ZNF585B: variants seen among roughly 807,000 people sequenced by gnomAD.
The protein encoded by ZNF585B is zinc finger protein 41-like protein.
In ZNF585B, 7 loss-of-function variants were observed where a neutral mutation model predicts 14.0. The observed-to-expected ratio is 0.50, with a 90% CI of 0.28 to 0.94. The LOEUF (loss-of-function observed/expected upper bound fraction) is 0.94. Ranked by LOEUF, ZNF585B falls within the 40% of genes least tolerant of loss-of-function variation. The pLI is 0.09. For synonymous variants in ZNF585B, 290 were observed against 317.3 expected (o/e 0.91, Z 0.91); for missense variants, 750 against 924.4 (o/e 0.81, Z 2.45).
intron 2 of ZNF585B, among the ~76,000 whole-genome samples, chr19:37,193,050 G>A (rs1025607886): frequency 5.3e-5 from 8 of 151,866 alleles, no homozygotes; most frequent in African/African-American, 9.7e-5. Flanking sequence ...CAAGCGAATC[G>A]CTTGAAGCCA....
At chr19:37,205,744 C>T (rs1406497045) in intron 2 of ZNF585B, among the ~76,000 whole-genome samples, 5 of 152,084 alleles carry the variant, frequency 3.3e-5, no homozygotes, top group African/African-American at 1.2e-4. Context: ...TTAAACTATT[C>T]CTAATAAATT....
chr19:37,184,439 A>AGAAG lies in ZNF585B; in HGVS notation c.*784_*787dup, dbSNP rs1568504908. ...AAGAGAAAGAAAGAAAAAGAAAGAAAGAAGGAAAGAAAGAAAGAAAGAAAG... is the reference window on the plus strand; with the variant it reads ...AAGAGAAAGAAAGAAAAAGAAAGAAAGAAGGAAGGAAAGAAAGAAAGAAAGAAAG... On this transcript the variant is annotated 3_prime_UTR_variant, in exon 5 of 5. Coordinates refer to ENST00000532828, the MANE Select transcript of ZNF585B (RefSeq NM_152279.4). 439 of 74,884 alleles carry AGAAG rather than the reference A, an allele frequency of 5.9e-3. 15 individuals are homozygous for AGAAG. The highest frequency in any genetic ancestry group is 0.017 in the Middle Eastern group (3 of 172). The allele number at this position is 74,884 out of a possible 1,614,324, so 4.6% of individuals were successfully genotyped here.
At chr19:37,191,753 G>T (rs1283404271) in intron 2 of ZNF585B, among the ~76,000 whole-genome samples, 1 of 152,076 alleles carries the variant, frequency 6.6e-6, no homozygotes, top group Non-Finnish European at 1.5e-5. Context: ...GGCTGTCTTG[G>T]CTGGGCCCGG....
intron 2 of ZNF585B, among the ~76,000 whole-genome samples, chr19:37,202,792 G>A (rs1371998696): frequency 6.6e-6 from 1 of 151,976 alleles, no homozygotes; most frequent in Admixed American, 6.6e-5. Context: ...ACAGGTATGT[G>A]CCACCATGCC....
At position 37,186,687 on chromosome 19, in the gene ZNF585B, G is replaced by T. The variant is rs1487136809; in HGVS notation, c.850C>A (p.Gln284Lys). ...TGAATTCTTCGGTGTGCAATCAATT[G>T]TGTTTTCTGGATGAAGGCCTGCCCG... ...ECGQAFIQKT[Q>K]LIAHRRIHSG... The change falls in exon 5 of 5, where the codon CAA becomes AAA. Residue 284 changes from glutamine (Q) to lysine (K), a missense_variant. Gln to Lys is a moderately conservative substitution (Grantham distance 53). Transcript: ENST00000532828. The T allele has an allele frequency of 6.2e-7, 1 of 1,614,122 alleles. No individual in the cohort carries two copies.
chr19:37,202,776 G>A (rs1463973403), intron 2 of ZNF585B, among the ~76,000 whole-genome samples: 1 of 151,838 alleles, frequency 6.6e-6, no homozygotes, highest in Non-Finnish European at 1.5e-5. Flanking sequence ...CTGAGTAGCT[G>A]GGATTACAGG....
intron 1 of ZNF585B, among the ~76,000 whole-genome samples, chr19:37,208,290 G>C (rs1322177839): frequency 6.6e-6 from 1 of 152,042 alleles, no homozygotes; most frequent in Non-Finnish European, 1.5e-5. Context: ...CTATTAAGTA[G>C]ACAAATTCCA....
At position 37,185,445 on chromosome 19, in the gene ZNF585B, A is replaced by C. The variant is rs1389137315; in HGVS notation, c.2092T>G (p.Ser698Ala). 6.2e-7 allele frequency: 1 copy of C among 1,612,598 alleles called. No homozygotes were observed. Among genetic ancestry groups the C allele is most frequent in the South Asian group, 1.1e-5 (1 of 90,988 alleles). Residue 698 changes from serine to alanine, a missense_variant, in exon 5 of 5, where the codon TCT becomes GCT. Physicochemically the swap from Ser to Ala is moderately conservative, Grantham distance 99 (BLOSUM62 1). Around this residue, in one of 2 missense-constraint regions of ZNF585B, gnomAD observed 233 missense variants for 354.1 expected, o/e 0.66. Transcript: ENST00000532828. ...KPYECSDCGK[S>A]FTKKSQLQVH... ...TGGAGCTGTGATTTTTTAGTGAAAG[A>C]CTTCCCACAGTCACTGCACTCATAA...
chr19:37,189,675 C>G lies in ZNF585B; in HGVS notation c.278G>C (p.Arg93Pro), dbSNP rs1405908614. 2.5e-6 allele frequency: 4 copies of G among 1,613,146 alleles called. No individual in the cohort carries two copies. Among genetic ancestry groups the G allele is most frequent in the Non-Finnish European group, 3.4e-6 (4 of 1,179,998 alleles). ...EPWALQGERPRHSCPGEKLWD... is the reference protein window; with the variant it reads ...EPWALQGERPPHSCPGEKLWD... ...ACTTCACTCACCTGGGCAGCTGTGA[C>G]GTGGCCTCTCACCCTGCAGTGCCCA... is the stretch of plus-strand genomic sequence containing the variant. The change falls in exon 4 of 5, where the codon CGT becomes CCT. Residue 93 changes from arginine to proline, a missense_variant. Coordinates refer to ENST00000532828, the MANE Select transcript of ZNF585B (RefSeq NM_152279.4).
At chr19:37,206,896 G>C (rs1196974491) in intron 2 of ZNF585B, 144 bp downstream of exon 2, 1 of 1,029,698 alleles carries the variant, frequency 9.7e-7, no homozygotes, top group East Asian at 2.4e-5. Flanking sequence ...TTGACAGGAA[G>C]ATCAAGTTTT....
chr19:37,187,316 G>T, intron 4 of ZNF585B, 72 bp from the exon 5 acceptor site: 1 of 1,155,608 alleles, frequency 8.7e-7, no homozygotes, highest in Non-Finnish European at 1.2e-6. Flanking sequence ...AACATTCTTT[G>T]AAGCATCGTT....
At chr19:37,209,408 T>C (rs1972622148) in intron 1 of ZNF585B, among the ~76,000 whole-genome samples, 2 of 152,168 alleles carry the variant, frequency 1.3e-5, no homozygotes, top group South Asian at 2.1e-4. Flanking sequence ...CGGTCAGTCA[T>C]ATCTAGCAAT....
At chr19:37,203,425 A>T (rs1972553946) in intron 2 of ZNF585B, among the ~76,000 whole-genome samples, 1 of 151,150 alleles carries the variant, frequency 6.6e-6, no homozygotes, top group African/African-American at 2.4e-5. Context: ...GGTTGCAGTG[A>T]ACTGAGATCG....
Position 37,185,394 on chromosome 19 carries a change from C to G in ZNF585B, c.2143G>C (p.Glu715Gln). The change falls in exon 5 of 5, where the codon GAG becomes CAG. Residue 715 changes from glutamate to glutamine, a missense_variant. By Grantham distance (29) the Glu-to-Gln change is conservative. Coordinates refer to ENST00000532828, the MANE Select transcript of ZNF585B (RefSeq NM_152279.4). ...CACTCAGCACACACGTAAGGCTTCT[C>G]TCCAGTGTGAATTCGCTGATGCACT... ...LQVHQRIHTG[E>Q]KPYVCAECGK... 1 of 1,614,076 alleles carries G rather than the reference C, an allele frequency of 6.2e-7. No homozygotes were observed. Among genetic ancestry groups the G allele is most frequent in the Non-Finnish European group, 8.5e-7 (1 of 1,180,010 alleles).
Position 37,185,858 on chromosome 19 carries a change from T to C in ZNF585B, c.1679A>G (p.Asn560Ser). ...YECHECGKAF[N>S]QKSILIVHQK... ...ATGAACAATGAGTATTGATTTCTGG[T>C]TGAAGGCTTTCCCACATTCGTGGCA... The change falls in exon 5 of 5, where the codon AAC becomes AGC. Residue 560 changes from asparagine to serine, a missense_variant. Asn to Ser is a conservative substitution (Grantham distance 46). Coordinates refer to ENST00000532828, the MANE Select transcript of ZNF585B (RefSeq NM_152279.4). 6.2e-7 allele frequency: 1 copy of C among 1,613,266 alleles called. No individual in the cohort carries two copies. The highest frequency in any genetic ancestry group is 1.1e-5 in the South Asian group (1 of 90,972).
At chr19:37,208,432 A>C (rs1972610149) in intron 1 of ZNF585B, among the ~76,000 whole-genome samples, 1 of 152,170 alleles carries the variant, frequency 6.6e-6, no homozygotes, top group Non-Finnish European at 1.5e-5. Flanking sequence ...GGAAACCCAG[A>C]AGCTATAACA....
rs774740065 is a variant in ZNF585B, at chr19:37,189,976, A to T, written c.199+48T>A. The T allele has an allele frequency of 1.7e-5, 27 of 1,604,582 alleles. No homozygotes were observed. In the South Asian group the frequency reaches 3.0e-4, roughly 18 times the overall value. On this transcript the variant is annotated intron_variant, in intron 3 of 4. Transcript: ENST00000532828. ...CAGCATTCGTCAACTGAGAATGAAA[A>T]CACTCTCAGTGAGGCCTCCTTTCAG...
In ZNF585B at chr19:37,187,236, A is replaced by G. The variant is rs1972349443; in HGVS notation, c.301T>C (p.Leu101=). The part of the protein sequence containing the change: ...RPRHSCPGEK[L]WDHNQHRKII... ...TTTCTATGTTGATTATGGTCCCATAATTTCTCTCCTGTTGGAGTACATTCA... is the reference window on the plus strand; with the variant it reads ...TTTCTATGTTGATTATGGTCCCATAGTTTCTCTCCTGTTGGAGTACATTCA... The change falls in exon 5 of 5, where the codon TTA becomes CTA. Residue 101 remains leucine, a synonymous_variant. Transcript: ENST00000532828. The G allele has an allele frequency of 2.5e-6, 4 of 1,604,422 alleles. No individual in the cohort carries two copies. Among genetic ancestry groups the G allele is most frequent in the African/African-American group, 2.7e-5 (2 of 74,358 alleles).
Position 37,187,024 on chromosome 19 carries a change from T to A in ZNF585B, c.513A>T (p.Pro171=), listed in dbSNP as rs1972344850. Reference sequence around the variant, plus strand: ...GGGTTTTCTGATGTGTGATGAATTCTGGCTTCTGTACAAAAGCCCTCCCAC... The same window carrying A: ...GGGTTTTCTGATGTGTGATGAATTCAGGCTTCTGTACAAAAGCCCTCCCAC... ...IECGRAFVQK[P]EFITHQKTHM... Residue 171 remains proline (P), a synonymous_variant, in exon 5 of 5, where the codon CCA becomes CCT. Coordinates refer to ENST00000532828, the MANE Select transcript of ZNF585B (RefSeq NM_152279.4). The A allele has an allele frequency of 6.2e-7, 1 of 1,612,914 alleles. No individual in the cohort carries two copies. The highest frequency in any genetic ancestry group is 1.1e-5 in the South Asian group (1 of 90,812).
Sources: gnomAD v4.1 joint callset for allele counts (sites outside exome capture counted in the v4.1 genomes callset) on GRCh38, gnomAD v4.1.1 for gene constraint, gnomAD v4.1.1 regional missense constraint, MANE v1.5 for transcripts, NCBI Gene and HGNC (gene_info 2026-07-23, HGNC 2026-07-21) for gene names.